Variants in NBAS observed in about 807,000 individuals in gnomAD.
NBAS encodes the protein NAG/BC035112 fusion.
Under a neutral mutation model 302.5 loss-of-function variants are expected in NBAS, and 219 were observed. That is an observed-to-expected ratio of 0.72 (90% CI 0.65 to 0.81). The LOEUF is 0.81. Among genes scored for constraint, NBAS ranks in the 30% least tolerant of loss-of-function variants. The pLI is 0.00. For missense variants in NBAS, 2,932 were observed against 2,841.6 expected (o/e 1.03, Z -0.72); for synonymous variants, 1,118 against 1,021.6 (o/e 1.09, Z -1.80).
intron 35 of NBAS, among the ~76,000 whole-genome samples, chr2:15,337,296 C>T (rs1672631813): frequency 6.6e-6 from 1 of 151,798 alleles, no homozygotes; most frequent in South Asian, 2.1e-4. Context: ...GCCTGGAGGA[C>T]TCAGGGGGAA....
chr2:14,914,237 T>C, the NBAS span, among the ~76,000 whole-genome samples: 2 of 152,122 alleles, frequency 1.3e-5, no homozygotes, highest in African/African-American at 4.8e-5. Flanking sequence ...TGAGATTTGG[T>C]TGGGGACACA....
chr2:15,108,670 AAAG>A, the NBAS span, among the ~76,000 whole-genome samples: 1 of 152,258 alleles, frequency 6.6e-6, no homozygotes, highest in South Asian at 2.1e-4. Context: ...AAGCTGTGGA[AAAG>A]AAGAGCTTAT....
chr2:15,464,347 T>C (rs569998031), intron 19 of NBAS, among the ~76,000 whole-genome samples: 5 of 151,962 alleles, frequency 3.3e-5, no homozygotes, highest in Admixed American at 1.3e-4. Flanking sequence ...AGATGAGAAA[T>C]CCCTCATTTT....
At chr2:15,198,588 A>C (rs1399717405) in intron 48 of NBAS, among the ~76,000 whole-genome samples, 2 of 152,196 alleles carry the variant, frequency 1.3e-5, no homozygotes, top group Non-Finnish European at 2.9e-5. Context: ...CCAGAACATG[A>C]GGACAACTAC....
At chr2:14,838,189 C>A in the NBAS span, among the ~76,000 whole-genome samples, 1 of 151,842 alleles carries the variant, frequency 6.6e-6, no homozygotes, top group Non-Finnish European at 1.5e-5. Flanking sequence ...TCTGTTCAGT[C>A]TTTTCTAAGA....
Position 15,480,284 on chromosome 2 carries a change from T to C in NBAS, c.1084-1995A>G, listed in dbSNP as rs1010643583. Reference sequence around the variant, plus strand: ...TGAGCTCAGGAGTTCAAGGTTGCAGTAAGCTATGATCACACCACCACACTC... The same window carrying C: ...TGAGCTCAGGAGTTCAAGGTTGCAGCAAGCTATGATCACACCACCACACTC... On this transcript the variant is annotated intron_variant, in intron 12 of 51. Coordinates refer to ENST00000281513, the MANE Select transcript of NBAS (RefSeq NM_015909.4). Among the ~76,000 whole-genome samples, 15 of 151,108 alleles carry C rather than the reference T, an allele frequency of 9.9e-5. No individual in the cohort carries two copies. The Admixed American group carries it at 9.9e-4, about 10-fold the overall frequency.
chr2:14,852,653 A>C, the NBAS span, among the ~76,000 whole-genome samples: 2 of 142,992 alleles, frequency 1.4e-5, no homozygotes, highest in Non-Finnish European at 3.0e-5. Context: ...GAGGCATCAC[A>C]CTACCTGACT....
At chr2:15,257,260 C>T (rs1193519150) in intron 44 of NBAS, among the ~76,000 whole-genome samples, 4 of 152,166 alleles carry the variant, frequency 2.6e-5, no homozygotes, top group Middle Eastern at 3.4e-3. Context: ...CTATTTCTTC[C>T]GGATTTAATC....
the NBAS span, among the ~76,000 whole-genome samples, chr2:15,141,811 G>T: frequency 1.3e-5 from 2 of 152,148 alleles, no homozygotes; most frequent in African/African-American, 4.8e-5. Flanking sequence ...CAATAAAAAA[G>T]GGGCAGGGGA....
intron 9 of NBAS, among the ~76,000 whole-genome samples, chr2:15,522,436 G>A (rs1183718187): frequency 6.6e-6 from 1 of 152,120 alleles, no homozygotes; most frequent in African/African-American, 2.4e-5. Flanking sequence ...GGAAAATGAT[G>A]AACACAGAAT....
the NBAS span, among the ~76,000 whole-genome samples, chr2:15,071,815 T>G: frequency 6.6e-6 from 1 of 152,056 alleles, no homozygotes; most frequent in Non-Finnish European, 1.5e-5. Flanking sequence ...AATGAGCATG[T>G]CTCATCCTCC....
Position 15,500,965 on chromosome 2 carries a change from G to T in NBAS, c.954+3180C>A, listed in dbSNP as rs146243982. ...AGAAAAGATCCAAGCCAATATCCTT[G>T]ATAAAAGAATATAAATAATTCTTAT... is the stretch of plus-strand genomic sequence containing the variant. On this transcript the variant is annotated intron_variant, in intron 11 of 51. Transcript: ENST00000281513. Among the ~76,000 whole-genome samples, 6 of 151,390 alleles carry T rather than the reference G, an allele frequency of 4.0e-5. No individual in the cohort carries two copies. The East Asian group carries it at 1.2e-3, about 30-fold the overall frequency.
the NBAS span, among the ~76,000 whole-genome samples, chr2:15,022,428 T>C: frequency 6.6e-6 from 1 of 152,152 alleles, no homozygotes; most frequent in Non-Finnish European, 1.5e-5. Context: ...GAGACAGTCA[T>C]TGTCAATTCA....
chr2:15,330,602 A>C lies in NBAS; in HGVS notation c.4343T>G (p.Leu1448Arg), dbSNP rs1672284166. 1.2e-6 allele frequency: 2 copies of C among 1,613,790 alleles called. No individual in the cohort carries two copies. The highest frequency in any genetic ancestry group is 1.7e-6 in the Non-Finnish European group (2 of 1,179,776). Residue 1448 changes from leucine to arginine, a missense_variant, in exon 36 of 52, where the codon CTT (leucine) becomes CGT (arginine). Physicochemically the swap from Leu to Arg is moderately radical, Grantham distance 102 (BLOSUM62 -2). Transcript: ENST00000281513. ...WKKSLTYLRP[L>R]QGQKCGGAYQ... ...AAAGAAAGATGCACTGCTTACCTGA[A>C]GGGGTCGAAGGTAAGTTAAAGACTT... is the stretch of plus-strand genomic sequence containing the variant.
chr2:15,223,649 T>C (rs916916662), intron 47 of NBAS, among the ~76,000 whole-genome samples: 5 of 151,966 alleles, frequency 3.3e-5, no homozygotes, highest in Admixed American at 3.3e-4. Context: ...GCCAACATGG[T>C]GAAACCCCGT....
intron 38 of NBAS, among the ~76,000 whole-genome samples, chr2:15,325,200 G>T (rs1672007907): frequency 6.6e-6 from 1 of 152,118 alleles, no homozygotes. Context: ...CATAGATACT[G>T]TGAGTTTTGT....
At chr2:14,843,581 C>CACACACACACAA in the NBAS span, among the ~76,000 whole-genome samples, 1 of 150,384 alleles carries the variant, frequency 6.6e-6, no homozygotes, top group African/African-American at 2.5e-5. Context: ...CACACACACA[C>CACACACACACAA]AAAAATACCT....
the NBAS span, among the ~76,000 whole-genome samples, chr2:15,056,426 G>A: frequency 1.1e-4 from 16 of 152,258 alleles, no homozygotes; most frequent in African/African-American, 3.6e-4. Flanking sequence ...CATTTGTAAC[G>A]TTTCTAAAAT....
the NBAS span, among the ~76,000 whole-genome samples, chr2:14,906,371 G>A: frequency 1.9e-4 from 29 of 152,310 alleles, no homozygotes; most frequent in African/African-American, 4.8e-4. Context: ...TAGCCTGCTC[G>A]TAAGTGGCAG....
Sources: gnomAD v4.1 joint callset for allele counts (sites outside exome capture counted in the v4.1 genomes callset) on GRCh38, gnomAD v4.1.1 for gene constraint, MANE v1.5 for transcripts, NCBI Gene and HGNC (gene_info 2026-07-23, HGNC 2026-07-21) for gene names.